The following CSMD1 variants were observed in gnomAD, a reference collection of about 807,000 sequenced individuals.
CSMD1 encodes the protein CUB and Sushi multiple domains 1.
CSMD1 carries 213 observed loss-of-function variants against 417.5 expected under a neutral mutation model. The ratio of observed to expected loss-of-function variants is 0.51; its 90% confidence interval spans 0.46 to 0.57. The LOEUF is 0.57. CSMD1 is among the 20% of genes least tolerant of loss of function. The pLI is 0.00. For missense variants in CSMD1, 6,923 were observed against 4,529.7 expected (o/e 1.53, Z -15.17); for synonymous variants, 2,862 against 1,736.8 (o/e 1.65, Z -16.11).
intron 1 of CSMD1, among the ~76,000 whole-genome samples, chr8:4,960,347 G>A (rs1002088676): frequency 2.0e-5 from 3 of 152,160 alleles, no homozygotes; most frequent in Non-Finnish European, 1.5e-5. Flanking sequence ...TTACTTAGAA[G>A]AGAATAAGAA....
At chr8:4,656,516 T>C (rs1000981423) in intron 1 of CSMD1, among the ~76,000 whole-genome samples, 1 of 151,878 alleles carries the variant, frequency 6.6e-6, no homozygotes. Flanking sequence ...CTTGCAGGGA[T>C]TCTGACAACT....
At chr8:3,709,484 G>T (rs1396847979) in intron 6 of CSMD1, among the ~76,000 whole-genome samples, 8 of 152,040 alleles carry the variant, frequency 5.3e-5, no homozygotes, top group Admixed American at 5.2e-4. Context: ...GGCCAGAGGA[G>T]ATTCTGGGGG....
At chr8:4,875,710 G>C (rs900059001) in intron 1 of CSMD1, among the ~76,000 whole-genome samples, 15 of 152,188 alleles carry the variant, frequency 9.9e-5, no homozygotes, top group African/African-American at 3.1e-4. Context: ...GAGAAACCAA[G>C]ATAAATACTA....
intron 50 of CSMD1, among the ~76,000 whole-genome samples, chr8:3,044,689 G>A (rs1004670468): frequency 3.3e-5 from 5 of 151,882 alleles, no homozygotes; most frequent in African/African-American, 1.2e-4. Context: ...ACTGCAAGAA[G>A]GCGGCAAATG....
chr8:3,372,486 C>T (rs545224108), intron 18 of CSMD1, among the ~76,000 whole-genome samples: 73 of 152,104 alleles, frequency 4.8e-4, no homozygotes, highest in Non-Finnish European at 7.9e-4. Context: ...GGTCAGGACC[C>T]CGAACCAGGG....
intron 1 of CSMD1, among the ~76,000 whole-genome samples, chr8:4,797,635 G>A (rs76959640): frequency 0.023 from 3,437 of 152,186 alleles, 108 homozygotes; most frequent in African/African-American, 0.066. Flanking sequence ...AGTATAAAGC[G>A]AAGATATAGA....
chr8:4,194,305 T>C (rs961945574), intron 3 of CSMD1, among the ~76,000 whole-genome samples: 2 of 152,178 alleles, frequency 1.3e-5, no homozygotes, highest in African/African-American at 4.8e-5. Context: ...TCCCAAGTCA[T>C]TCCTATAGGA....
chr8:4,376,734 G>A (rs1213897786), intron 3 of CSMD1, among the ~76,000 whole-genome samples: 1 of 152,132 alleles, frequency 6.6e-6, no homozygotes, highest in Non-Finnish European at 1.5e-5. Context: ...AACTTGCACT[G>A]CTTTATTCAC....
rs187845552 is a variant in CSMD1 at position 4,003,490 on chromosome 8, A to G, written c.611-5380T>C. Among the ~76,000 whole-genome samples, 450 of 152,306 alleles carry G rather than the reference A, an allele frequency of 3.0e-3. 3 individuals are homozygous for G. Among genetic ancestry groups the G allele is most frequent in the Non-Finnish European group, 4.2e-3 (286 of 68,004 alleles). On this transcript the variant is annotated intron_variant, in intron 4 of 69. Coordinates refer to ENST00000635120, the MANE Select transcript of CSMD1 (RefSeq NM_033225.6). ...CAGATACATGGGAAAAAAAGATTTT[A>G]AATGGCAATTTAAATAAGAGTGAAT... is the stretch of plus-strand genomic sequence containing the variant.
chr8:3,183,041 A>C (rs1253904967), intron 36 of CSMD1: 4 of 151,850 alleles, frequency 2.6e-5, no homozygotes, highest in Non-Finnish European at 5.9e-5. Flanking sequence ...TACAGGCATG[A>C]GCCACCGCAC....
intron 3 of CSMD1, among the ~76,000 whole-genome samples, chr8:4,417,314 A>T (rs1259517423): frequency 6.6e-6 from 1 of 152,028 alleles, no homozygotes; most frequent in Non-Finnish European, 1.5e-5. Flanking sequence ...TGTGTGAATA[A>T]TAGTTTATGT....
rs539230270 is a variant in CSMD1 at position 4,181,517 on chromosome 8, C to G, written c.416-149418G>C. On this transcript the variant is annotated intron_variant, in intron 3 of 69. Coordinates refer to ENST00000635120, the MANE Select transcript of CSMD1 (RefSeq NM_033225.6). ...GAGCTTTAAAAAAATCACCAGAAAA[C>G]CTTACAATATTTTAAGAAAGTTTAT... is the stretch of plus-strand genomic sequence containing the variant. 4.5e-4 allele frequency among the ~76,000 whole-genome samples: 68 copies of G among 152,102 alleles called. 1 individual carries two copies. The highest frequency in any genetic ancestry group is 2.1e-3 in the South Asian group (10 of 4,816).
In CSMD1 at chr8:3,609,672, G is replaced by C. The variant is rs115345271; in HGVS notation, c.1097+7038C>G. On this transcript the variant is annotated intron_variant, in intron 8 of 69. Coordinates refer to ENST00000635120, the MANE Select transcript of CSMD1 (RefSeq NM_033225.6). ...CTACACTGCAAATGAGCTCATCTAC[G>C]CATCTTGGCCTTGTTGGTTGTTAGT... Among the ~76,000 whole-genome samples, 336 of 151,482 alleles carry C rather than the reference G, an allele frequency of 2.2e-3. 4 individuals carry two copies. The highest frequency in any genetic ancestry group is 1.6e-3 in the Non-Finnish European group (111 of 67,924).
intron 3 of CSMD1, among the ~76,000 whole-genome samples, chr8:4,270,174 G>C (rs77871530): frequency 6.6e-6 from 1 of 152,086 alleles, no homozygotes; most frequent in African/African-American, 2.4e-5. Flanking sequence ...GGAGGCAAGC[G>C]GTTAGAAAGG....
rs191130991 is a variant in CSMD1 at position 3,997,836 on chromosome 8, G to C, written c.818+67C>G. 117 of 1,371,284 alleles carry C rather than the reference G, an allele frequency of 8.5e-5. No individual in the cohort carries two copies. In the African/African-American group the frequency reaches 1.5e-3, roughly 17 times the overall value. 84.9% of individuals were successfully genotyped at this position (1,371,284 alleles called of 1,614,324 possible). ...CGTCCAGAGACAAGCAATTCTTGAA[G>C]CTCGTTGGGGGAAAAAACGGGGAAA... is the stretch of plus-strand genomic sequence containing the variant. On this transcript the variant is annotated intron_variant, in intron 5 of 69. Coordinates refer to ENST00000635120, the MANE Select transcript of CSMD1 (RefSeq NM_033225.6).
intron 4 of CSMD1, among the ~76,000 whole-genome samples, chr8:4,017,828 C>G (rs1023462124): frequency 1.3e-5 from 2 of 152,118 alleles, no homozygotes; most frequent in Non-Finnish European, 2.9e-5. Context: ...GAGATCTCAG[C>G]TGTTTGGGTG....
chr8:4,245,964 C>G (rs1802682883), intron 3 of CSMD1, among the ~76,000 whole-genome samples: 1 of 152,144 alleles, frequency 6.6e-6, no homozygotes, highest in South Asian at 2.1e-4. Flanking sequence ...TACAATCTAT[C>G]AGGGCCGTGG....
intron 5 of CSMD1, among the ~76,000 whole-genome samples, chr8:3,955,664 AAG>A (rs1811891659): frequency 6.6e-6 from 1 of 152,152 alleles, no homozygotes; most frequent in East Asian, 1.9e-4. Flanking sequence ...CCGATTCTAA[AAG>A]AGTGTCTCAG....
chr8:4,182,610 G>A (rs1798441193), intron 3 of CSMD1, among the ~76,000 whole-genome samples: 1 of 151,994 alleles, frequency 6.6e-6, no homozygotes, highest in Non-Finnish European at 1.5e-5. Flanking sequence ...GGAATTTTAT[G>A]GACAACAGTG....
Sources: allele counts gnomAD v4.1 joint callset (sites outside exome capture counted in the v4.1 genomes callset), GRCh38; gene constraint gnomAD v4.1.1; transcripts MANE v1.5; gene names NCBI Gene and HGNC (gene_info 2026-07-23, HGNC 2026-07-21).